TESK2: variants seen among roughly 807,000 people sequenced by gnomAD.
The protein encoded by TESK2 is dual specificity testis-specific protein kinase 2.
In TESK2, 39 loss-of-function variants were observed where a neutral mutation model predicts 57.1. The observed-to-expected ratio is 0.68, with a 90% confidence interval of 0.53 to 0.89. TESK2 has a LOEUF of 0.89. Ranked by LOEUF, TESK2 falls within the 40% of genes least tolerant of loss-of-function variation. The pLI, the probability that TESK2 is intolerant of heterozygous loss-of-function variation, is 0.00. For synonymous variants in TESK2, 249 were observed against 267.9 expected (o/e 0.93, Z 0.69); for missense variants, 646 against 732.1 (o/e 0.88, Z 1.36).
chr1:45,472,953 C>T (rs1028307294), intron 1 of TESK2, among the ~76,000 whole-genome samples: 1 of 141,120 alleles, frequency 7.1e-6, no homozygotes, highest in African/African-American at 2.7e-5. Flanking sequence ...CTGGGTAATA[C>T]GGTGAAACCC....
intron 2 of TESK2, among the ~76,000 whole-genome samples, chr1:45,427,879 T>C (rs1650768500): frequency 6.6e-6 from 1 of 152,130 alleles, no homozygotes; most frequent in Admixed American, 6.6e-5. Context: ...AATTTAATTG[T>C]ATATTTTAAA....
At chr1:45,403,676 A>G (rs1266888333) in intron 3 of TESK2, among the ~76,000 whole-genome samples, 2 of 152,172 alleles carry the variant, frequency 1.3e-5, no homozygotes, top group Admixed American at 1.3e-4. Context: ...TTTGGGGTAA[A>G]GCAATACAAA....
At chr1:45,476,376 C>T (rs1441333318) in intron 1 of TESK2, among the ~76,000 whole-genome samples, 1 of 152,104 alleles carries the variant, frequency 6.6e-6, no homozygotes, top group Admixed American at 6.5e-5. Context: ...AGCGTGGTGG[C>T]CCATGCCTGT....
In TESK2 at chr1:45,421,627, A is replaced by G. The variant is rs866273316; in HGVS notation, c.344+98T>C. On this transcript the variant is annotated intron_variant, in intron 3 of 10. Coordinates refer to ENST00000372086, the MANE Select transcript of TESK2 (RefSeq NM_007170.3). ...CCCAGCAAGATAGATTCAGCATGAT[A>G]AATCCTGAATCCCTCCTTTTTTTCC... The G allele has an allele frequency of 1.7e-5, 26 of 1,508,584 alleles. No homozygotes were observed. In the Middle Eastern group the frequency reaches 3.2e-3, roughly 184 times the overall value. 93.4% of individuals were successfully genotyped at this position (1,508,584 alleles called of 1,614,324 possible).
intron 2 of TESK2, among the ~76,000 whole-genome samples, chr1:45,451,440 G>T (rs538572785): frequency 1.4e-4 from 21 of 152,166 alleles, no homozygotes; most frequent in Non-Finnish European, 2.8e-4. Flanking sequence ...GCAAAAGTGT[G>T]GCTGAGCCAT....
In TESK2 at chr1:45,414,153, T is replaced by C. The variant is rs114468319; in HGVS notation, c.344+7572A>G. 1.8e-3 allele frequency among the ~76,000 whole-genome samples: 269 copies of C among 152,294 alleles called. 1 individual carries two copies. The highest frequency in any genetic ancestry group is 6.3e-3 in the African/African-American group (261 of 41,564). Reference sequence around the variant, plus strand: ...GACTTTGTTTGCTCTAGGCCACTGGTTAGAATAATTTCCTTTTGTTGTCTT... The same window carrying C: ...GACTTTGTTTGCTCTAGGCCACTGGCTAGAATAATTTCCTTTTGTTGTCTT... On this transcript the variant is annotated intron_variant, in intron 3 of 10. Coordinates refer to ENST00000372086, the MANE Select transcript of TESK2 (RefSeq NM_007170.3).
At chr1:45,410,637 C>G (rs2149283399) in intron 3 of TESK2, among the ~76,000 whole-genome samples, 1 of 152,002 alleles carries the variant, frequency 6.6e-6, no homozygotes, top group Admixed American at 6.6e-5. Context: ...AAAACACTGC[C>G]CATTTATTCT....
At chr1:45,464,012 T>C (rs930220287) in intron 1 of TESK2, among the ~76,000 whole-genome samples, 7 of 152,226 alleles carry the variant, frequency 4.6e-5, no homozygotes, top group Non-Finnish European at 7.3e-5. Context: ...GGCTTTTGGC[T>C]GTTCTAGGTC....
chr1:45,345,042 G>A lies in TESK2; in HGVS notation c.1514C>T (p.Pro505Leu), dbSNP rs1341266304. 6.2e-7 allele frequency: 1 copy of A among 1,614,136 alleles called. No homozygotes were observed. Among genetic ancestry groups the A allele is most frequent in the Non-Finnish European group, 8.5e-7 (1 of 1,180,056 alleles). ...CATAGCCTCATGGGCTTGAGCAGCTGGTAGGGCAGATGCCCGGAATGGTGG... is the reference window on the plus strand; with the variant it reads ...CATAGCCTCATGGGCTTGAGCAGCTAGTAGGGCAGATGCCCGGAATGGTGG... ...EIPPFRASAL[P>L]AAQAHEAMDC... Residue 505 changes from proline to leucine, a missense_variant, in exon 11 of 11, where the codon CCA becomes CTA. By Grantham distance (98) the Pro-to-Leu change is moderately conservative. Coordinates refer to ENST00000372086, the MANE Select transcript of TESK2 (RefSeq NM_007170.3).
intron 3 of TESK2, among the ~76,000 whole-genome samples, chr1:45,389,075 C>A (rs1570679007): frequency 6.6e-6 from 1 of 152,192 alleles, no homozygotes; most frequent in East Asian, 1.9e-4. Flanking sequence ...CTAATCCATT[C>A]ATGGATTAAT....
chr1:45,486,661 C>A (rs1653486989), intron 1 of TESK2, among the ~76,000 whole-genome samples: 1 of 148,478 alleles, frequency 6.7e-6, no homozygotes, highest in South Asian at 2.2e-4. Context: ...GGTGACAGAG[C>A]AAGACCCCAT....
At chr1:45,460,303 AGGTCAT>A (rs1652281416) in intron 1 of TESK2, among the ~76,000 whole-genome samples, 1 of 152,202 alleles carries the variant, frequency 6.6e-6, no homozygotes, top group Non-Finnish European at 1.5e-5. Context: ...AGATCACCTG[AGGTCAT>A]GAGTTTGAGA....
At chr1:45,346,828 A>C (rs1570632499) in intron 8 of TESK2, 49 bp from the exon 9 acceptor site, 1 of 1,577,708 alleles carries the variant, frequency 6.3e-7, no homozygotes, top group Non-Finnish European at 8.7e-7. Context: ...TAATCCCCCC[A>C]CCCATCCTAG....
At chr1:45,467,636 GTTTT>G (rs10579583) in intron 1 of TESK2, among the ~76,000 whole-genome samples, 10 of 148,836 alleles carry the variant, frequency 6.7e-5, no homozygotes, top group Admixed American at 1.3e-4. Context: ...GGCCTTCACA[GTTTT>G]TTTTTTTTTT....
chr1:45,483,945 G>A (rs950938540), intron 1 of TESK2, among the ~76,000 whole-genome samples: 2 of 150,698 alleles, frequency 1.3e-5, no homozygotes, highest in African/African-American at 2.4e-5. Flanking sequence ...AGTCTACATC[G>A]AGCCATGATC....
chr1:45,411,242 G>A (rs1352396655), intron 3 of TESK2, among the ~76,000 whole-genome samples: 2 of 152,074 alleles, frequency 1.3e-5, no homozygotes, highest in African/African-American at 4.8e-5. Flanking sequence ...CATGACTCAT[G>A]ACTCAACTGG....
At chr1:45,489,799 AAACT>A (rs1653643405) in intron 1 of TESK2, among the ~76,000 whole-genome samples, 1 of 152,210 alleles carries the variant, frequency 6.6e-6, no homozygotes, top group Non-Finnish European at 1.5e-5. Context: ...AAAAAAACAA[AAACT>A]AACAAACAAA....
intron 1 of TESK2, among the ~76,000 whole-genome samples, chr1:45,484,919 T>C (rs1653393965): frequency 6.7e-6 from 1 of 150,114 alleles, no homozygotes; most frequent in African/African-American, 2.5e-5. Flanking sequence ...TAGTCCCAGC[T>C]ACTCGGGAGG....
chr1:45,415,409 C>T, intron 3 of TESK2: 1 of 751,704 alleles, frequency 1.3e-6, no homozygotes, highest in Non-Finnish European at 2.2e-6. Context: ...GAGAGCACTC[C>T]TCCACCCCAT....
Sources: allele counts gnomAD v4.1 joint callset (sites outside exome capture counted in the v4.1 genomes callset), GRCh38; gene constraint gnomAD v4.1.1; transcripts MANE v1.5; gene names NCBI Gene and HGNC (gene_info 2026-07-23, HGNC 2026-07-21).